The following UTRN variants were observed in gnomAD, a reference collection of about 807,000 sequenced individuals.
The protein encoded by UTRN is dystrophin-related protein 1.
In UTRN, 283 loss-of-function variants were observed where a neutral mutation model predicts 463.9. The observed-to-expected ratio is 0.61, with a 90% confidence interval of 0.55 to 0.67. The LOEUF (loss-of-function observed/expected upper bound fraction) is 0.67, where lower values mean the gene tolerates loss of function less well. Among genes scored for constraint, UTRN ranks in the 30% least tolerant of loss-of-function variants. The probability of loss-of-function intolerance (pLI) is 0.00; values close to 1 mark genes in which losing one functional copy is unlikely to be tolerated. For synonymous variants in UTRN, 1,442 were observed against 1,431.5 expected, an observed-to-expected ratio of 1.01 and a Z score of -0.17; for missense variants, 3,922 against 4,084.3, an observed-to-expected ratio of 0.96 and a Z score of 1.08.
Position 144,366,319 on chromosome 6 carries a change from G to C in UTRN, c.80-36804G>C, listed in dbSNP as rs549470878. Among the ~76,000 whole-genome samples the C allele has an allele frequency of 5.3e-5, 8 of 152,186 alleles. No individual in the cohort carries two copies. In the South Asian group the frequency reaches 8.3e-4, roughly 16 times the overall value. The stretch of plus-strand genomic sequence containing the variant: ...TATAGAGGTAAACTTGTGTAATAGG[G>C]GTTTGTTGTACTGATTATTTCATCA... On this transcript the variant is annotated intron_variant, in intron 2 of 74. Coordinates refer to ENST00000367545, the MANE Select transcript of UTRN (RefSeq NM_007124.3).
At chr6:144,398,212 A>T (rs1305670328) in intron 2 of UTRN, 12 of 240,402 alleles carry the variant, frequency 5.0e-5, no homozygotes. Context: ...TGGCTTTGGA[A>T]GGTACTGTGC....
chr6:144,757,495 G>A (rs1188856349), intron 57 of UTRN, among the ~76,000 whole-genome samples: 4 of 152,036 alleles, frequency 2.6e-5, no homozygotes, highest in Non-Finnish European at 4.4e-5. Flanking sequence ...TGACTACGAT[G>A]CAAAGTAAAC....
chr6:144,722,399 A>G (rs1787295978), intron 53 of UTRN, among the ~76,000 whole-genome samples: 1 of 151,216 alleles, frequency 6.6e-6, no homozygotes, highest in Non-Finnish European at 1.5e-5. Context: ...CTCATCTTCA[A>G]CCCACCATCC....
intron 62 of UTRN, among the ~76,000 whole-genome samples, chr6:144,789,797 C>T (rs1586583013): frequency 1.3e-5 from 2 of 152,192 alleles, no homozygotes; most frequent in East Asian, 3.9e-4. Flanking sequence ...ATATATTTTA[C>T]AGCTGTGACA....
intron 13 of UTRN, among the ~76,000 whole-genome samples, 169 bp downstream of exon 13, chr6:144,440,640 G>A (rs746827237): frequency 2.6e-5 from 4 of 152,230 alleles, no homozygotes; most frequent in African/African-American, 4.8e-5. Flanking sequence ...GGCTACAGGA[G>A]TACCCAGGTA....
At chr6:144,572,825 C>G (rs972347374) in intron 50 of UTRN, among the ~76,000 whole-genome samples, 13 of 152,128 alleles carry the variant, frequency 8.5e-5, no homozygotes, top group Admixed American at 2.0e-4. Flanking sequence ...GGTTCCCAGT[C>G]TTTGCTATTG....
At chr6:144,451,571 T>C in intron 18 of UTRN, 78 bp downstream of exon 18, 2 of 1,470,010 alleles carry the variant, frequency 1.4e-6, no homozygotes, top group Non-Finnish European at 1.8e-6. Flanking sequence ...ATAAAGACAT[T>C]ATGGAATTCA....
chr6:144,701,097 G>A (rs892295144), intron 53 of UTRN, among the ~76,000 whole-genome samples: 1 of 152,012 alleles, frequency 6.6e-6, no homozygotes, highest in Admixed American at 6.6e-5. Context: ...ACTAGAGACG[G>A]GATTTCACCA....
intron 51 of UTRN, among the ~76,000 whole-genome samples, chr6:144,662,652 G>A (rs1349680821): frequency 1.3e-5 from 2 of 152,156 alleles, no homozygotes; most frequent in Non-Finnish European, 2.9e-5. Context: ...TTAAGAAAAC[G>A]AGGGTCCACT....
chr6:144,804,174 G>A lies in UTRN; in HGVS notation c.9357+1027G>A, dbSNP rs139427383. Among the ~76,000 whole-genome samples, 891 of 152,248 alleles carry A rather than the reference G, an allele frequency of 5.9e-3. 6 individuals are homozygous for A. The highest frequency in any genetic ancestry group is 0.019 in the African/African-American group (770 of 41,552). ...TGGATCATAAATTGACAGAAAGGCTGTAATACTTATAAAATATACACATAT... is the reference window on the plus strand; with the variant it reads ...TGGATCATAAATTGACAGAAAGGCTATAATACTTATAAAATATACACATAT... On this transcript the variant is annotated intron_variant, in intron 65 of 74. Coordinates refer to ENST00000367545, the MANE Select transcript of UTRN (RefSeq NM_007124.3).
chr6:144,726,766 G>C (rs752482840), intron 53 of UTRN, among the ~76,000 whole-genome samples: 1 of 152,110 alleles, frequency 6.6e-6, no homozygotes, highest in Non-Finnish European at 1.5e-5. Flanking sequence ...GGGAATCTGT[G>C]ATATGGCTAA....
chr6:144,600,390 A>C (rs2128636179), intron 51 of UTRN, among the ~76,000 whole-genome samples: 1 of 152,386 alleles, frequency 6.6e-6, no homozygotes, highest in East Asian at 1.9e-4. Flanking sequence ...TTCTTGAAAG[A>C]CATTTAAAGT....
At position 144,462,580 on chromosome 6, in the gene UTRN, T is replaced by C. The variant is rs117220526; in HGVS notation, c.2854-74T>C. 222 of 1,375,008 alleles carry C rather than the reference T, an allele frequency of 1.6e-4. 2 individuals carry two copies. The East Asian group carries it at 5.6e-3, about 35-fold the overall frequency. 85.2% of individuals were successfully genotyped at this position (1,375,008 alleles called of 1,614,324 possible). A position where few individuals can be genotyped will look rare whatever the true frequency, so the allele number is the denominator to read the frequency against. On this transcript the variant is annotated intron_variant, in intron 22 of 74. Transcript: ENST00000367545. ...TGCATTTTAAAGTGACTTTTGACTT[T>C]ATATAGCCCATTTTACTATATCTGT...
chr6:144,618,532 G>A (rs1200982724), intron 51 of UTRN, among the ~76,000 whole-genome samples: 1 of 152,084 alleles, frequency 6.6e-6, no homozygotes, highest in Non-Finnish European at 1.5e-5. Flanking sequence ...CAGGCTAAAA[G>A]ACTTTAGAGT....
chr6:144,739,334 A>AT (rs1398147833), intron 54 of UTRN, among the ~76,000 whole-genome samples: 1 of 152,234 alleles, frequency 6.6e-6, no homozygotes, highest in East Asian at 1.9e-4. Flanking sequence ...TTTCATAGTT[A>AT]TTAAATGAGT....
At chr6:144,625,755 G>C (rs1458943877) in intron 51 of UTRN, among the ~76,000 whole-genome samples, 1 of 152,166 alleles carries the variant, frequency 6.6e-6, no homozygotes, top group Non-Finnish European at 1.5e-5. Flanking sequence ...TACCACAGAA[G>C]TAAACCTAAA....
At chr6:144,347,790 G>GA (rs1200764503) in intron 2 of UTRN, among the ~76,000 whole-genome samples, 1 of 151,286 alleles carries the variant, frequency 6.6e-6, no homozygotes, top group East Asian at 1.9e-4. Context: ...TGTGAGGCCA[G>GA]ATGGGGACAC....
chr6:144,756,444 G>A (rs997075334), intron 57 of UTRN, among the ~76,000 whole-genome samples: 4 of 152,124 alleles, frequency 2.6e-5, no homozygotes, highest in Admixed American at 6.6e-5. Flanking sequence ...AATCCAAGGA[G>A]GTAGAAGTTA....
chr6:144,484,203 C>G (rs1458215391), intron 27 of UTRN, among the ~76,000 whole-genome samples: 1 of 152,138 alleles, frequency 6.6e-6, no homozygotes, highest in Non-Finnish European at 1.5e-5. Context: ...GTGATCAAAA[C>G]CAACACAGTA....
Sources: allele counts gnomAD v4.1 joint callset (sites outside exome capture counted in the v4.1 genomes callset), GRCh38; gene constraint gnomAD v4.1.1; transcripts MANE v1.5; gene names NCBI Gene and HGNC (gene_info 2026-07-23, HGNC 2026-07-21).